RANBP17: variants seen among roughly 807,000 people sequenced by gnomAD.
The protein encoded by RANBP17 is RAN binding protein 17.
In RANBP17, 158 loss-of-function variants were observed where a neutral mutation model predicts 141.2. The observed-to-expected ratio is 1.12, with a 90% CI of 0.98 to 1.28. The LOEUF (loss-of-function observed/expected upper bound fraction) is 1.28, where lower values mean the gene tolerates loss of function less well. Among genes scored for constraint, RANBP17 ranks in the 50% most tolerant of loss-of-function variants. The pLI, the probability that RANBP17 is intolerant of heterozygous loss-of-function variation, is 0.00. For synonymous variants in RANBP17, 430 were observed against 450.0 expected, an observed-to-expected ratio of 0.96 and a Z score of 0.56; for missense variants, 1,438 against 1,290.7, an observed-to-expected ratio of 1.11 and a Z score of -1.75.
intron 14 of RANBP17, among the ~76,000 whole-genome samples, chr5:171,130,690 A>G (rs1756852431): frequency 6.6e-6 from 1 of 151,984 alleles, no homozygotes; most frequent in Non-Finnish European, 1.5e-5. Flanking sequence ...CCCCACACCC[A>G]ACCAAAAAAA....
At chr5:170,899,636 T>C (rs1037914036) in intron 5 of RANBP17, among the ~76,000 whole-genome samples, 2 of 152,200 alleles carry the variant, frequency 1.3e-5, no homozygotes, top group Non-Finnish European at 2.9e-5. Context: ...GCCCATCCAG[T>C]ATGATATTGG....
intron 1 of RANBP17, among the ~76,000 whole-genome samples, chr5:170,864,995 C>T (rs1767121420): frequency 6.6e-6 from 1 of 152,086 alleles, no homozygotes; most frequent in South Asian, 2.1e-4. Context: ...AGGCTTTCCC[C>T]ATCTTTTCTA....
intron 14 of RANBP17, among the ~76,000 whole-genome samples, chr5:171,092,541 A>G (rs1463680963): frequency 1.3e-5 from 2 of 152,246 alleles, no homozygotes; most frequent in African/African-American, 4.8e-5. Flanking sequence ...CTATGCCTCC[A>G]GTTACCTGGG....
intron 25 of RANBP17, among the ~76,000 whole-genome samples, chr5:171,283,283 G>T (rs572447536): frequency 1.4e-4 from 22 of 152,174 alleles, no homozygotes; most frequent in Non-Finnish European, 2.2e-4. Context: ...CTCTTTGAGG[G>T]CTGGGACTGT....
intron 14 of RANBP17, among the ~76,000 whole-genome samples, chr5:171,124,030 A>C (rs969306346): frequency 4.6e-5 from 7 of 152,248 alleles, no homozygotes; most frequent in South Asian, 4.1e-4. Context: ...ACAGATCCCC[A>C]AAAAAAGAAA....
At chr5:170,917,020 G>C (rs1772034412) in intron 9 of RANBP17, among the ~76,000 whole-genome samples, 1 of 152,156 alleles carries the variant, frequency 6.6e-6, no homozygotes, top group African/African-American at 2.4e-5. Flanking sequence ...TCAGCCCTTA[G>C]ATCTCATTTG....
intron 20 of RANBP17, among the ~76,000 whole-genome samples, chr5:171,212,912 A>G (rs369193876): frequency 6.6e-6 from 1 of 152,202 alleles, no homozygotes; most frequent in African/African-American, 2.4e-5. Context: ...GGCCTTCAGC[A>G]TAGATTTATC....
intron 22 of RANBP17, among the ~76,000 whole-genome samples, chr5:171,224,409 A>G (rs1486110214): frequency 6.6e-6 from 1 of 151,964 alleles, no homozygotes; most frequent in Non-Finnish European, 1.5e-5. Context: ...TTACTGTTGC[A>G]CTAGGGCTGT....
At position 170,968,259 on chromosome 5, in the gene RANBP17, C is replaced by CT; in HGVS notation, c.1595dup (p.Leu532PhefsTer11). ...TCATGAAGAGTTTTTCAGCTTATAT[C>CT]TTTAATGGATACCGGATTGCCTCGA... On this transcript the variant is annotated frameshift_variant, in exon 14 of 28. Coordinates refer to ENST00000523189, the MANE Select transcript of RANBP17 (RefSeq NM_022897.5). LOFTEE classifies it high-confidence loss of function. The CT allele has an allele frequency of 6.3e-7, 1 of 1,583,896 alleles. No homozygotes were observed. The highest frequency in any genetic ancestry group is 8.5e-7 in the Non-Finnish European group (1 of 1,170,216).
chr5:170,910,868 T>G lies in RANBP17; in HGVS notation c.595-101T>G, dbSNP rs1581124764. 5 of 1,167,172 alleles carry G rather than the reference T, an allele frequency of 4.3e-6. No homozygotes were observed. In the East Asian group the frequency reaches 1.2e-4, roughly 29 times the overall value. 72.3% of individuals were successfully genotyped at this position (1,167,172 alleles called of 1,614,324 possible). A position where few individuals can be genotyped will look rare whatever the true frequency, so the allele number is the denominator to read the frequency against. On this transcript the variant is annotated intron_variant, in intron 6 of 27. Coordinates refer to ENST00000523189, the MANE Select transcript of RANBP17 (RefSeq NM_022897.5). ...GAACAGTATAACTTTGTAAACTCCT[T>G]TATTAGTTTTCATTTGACATTGAAA...
intron 27 of RANBP17, among the ~76,000 whole-genome samples, chr5:171,297,738 GT>G (rs1561838304): frequency 6.7e-6 from 1 of 148,538 alleles, no homozygotes; most frequent in Non-Finnish European, 1.5e-5. Context: ...GGCCCTCGTA[GT>G]TTAATGAGAG....
chr5:171,209,409 A>T (rs953724751), intron 20 of RANBP17, among the ~76,000 whole-genome samples: 1 of 152,204 alleles, frequency 6.6e-6, no homozygotes, highest in Non-Finnish European at 1.5e-5. Context: ...TGTTTTCAAG[A>T]AGAAAGTAAT....
At chr5:171,194,903 A>G (rs1761871573) in intron 18 of RANBP17, among the ~76,000 whole-genome samples, 1 of 152,236 alleles carries the variant, frequency 6.6e-6, no homozygotes, top group Admixed American at 6.5e-5. Context: ...TCTGCCAGCC[A>G]ACATACTAAA....
intron 14 of RANBP17, among the ~76,000 whole-genome samples, chr5:171,121,395 G>A (rs1032187362): frequency 2.0e-5 from 3 of 152,216 alleles, no homozygotes; most frequent in East Asian, 1.9e-4. Context: ...TTCCAAGAGC[G>A]CCTGCGGAGC....
intron 5 of RANBP17, among the ~76,000 whole-genome samples, chr5:170,907,653 T>G (rs1463289305): frequency 6.6e-6 from 1 of 152,024 alleles, no homozygotes; most frequent in Non-Finnish European, 1.5e-5. Context: ...AAAATCATCC[T>G]TTATTTCAAA....
intron 22 of RANBP17, among the ~76,000 whole-genome samples, chr5:171,238,969 C>G (rs976542696): frequency 6.6e-6 from 1 of 152,134 alleles, no homozygotes; most frequent in African/African-American, 2.4e-5. Flanking sequence ...ATTTACAGAT[C>G]GATTTCCCCC....
At chr5:171,026,911 G>C (rs370891906) in intron 14 of RANBP17, among the ~76,000 whole-genome samples, 8 of 152,134 alleles carry the variant, frequency 5.3e-5, no homozygotes, top group African/African-American at 1.9e-4. Flanking sequence ...GGAGGTGAGC[G>C]GTGCGTGAGA....
rs139675546 is a variant in RANBP17 at position 170,862,046 on chromosome 5, T to C, written c.13T>C (p.Phe5Leu). 7.8e-4 allele frequency: 1,135 copies of C among 1,463,894 alleles called. 7 individuals carry two copies. In the African/African-American group the frequency reaches 0.015, roughly 19 times the overall value. 90.7% of individuals were successfully genotyped at this position (1,463,894 alleles called of 1,614,324 possible). A position where few individuals can be genotyped will look rare whatever the true frequency, so the allele number is the denominator to read the frequency against. ...GCCTCCTGGGAAGATGGCGCTGCAC[T>C]TCCAGGTCAGTGTGCTCTGCGCCGC... The part of the protein sequence containing the change: MALH[F>L]QSLAELEVLC... The change falls in exon 1 of 28, where the codon TTC (phenylalanine) becomes CTC (leucine). Residue 5 changes from phenylalanine (F) to leucine (L), a missense_variant. Coordinates refer to ENST00000523189, the MANE Select transcript of RANBP17 (RefSeq NM_022897.5).
At chr5:171,105,381 CAAAAAA>C (rs1167025699) in intron 14 of RANBP17, among the ~76,000 whole-genome samples, 30 of 54,292 alleles carry the variant, frequency 5.5e-4, no homozygotes, top group South Asian at 2.0e-3. Flanking sequence ...GACTCCGTCT[CAAAAAA>C]AAAAAAAAAA....
Sources: allele counts gnomAD v4.1 joint callset (sites outside exome capture counted in the v4.1 genomes callset), GRCh38; gene constraint gnomAD v4.1.1; transcripts MANE v1.5; gene names NCBI Gene and HGNC (gene_info 2026-07-23, HGNC 2026-07-21).